Variants in BRIP1 observed in about 807,000 individuals in gnomAD.
BRIP1 encodes the protein Fanconi anemia group J protein.
A neutral mutation model predicts 119.7 loss-of-function variants in BRIP1; 88 were observed. The ratio of observed to expected loss-of-function variants is 0.74; its 90% CI spans 0.62 to 0.88. The LOEUF (loss-of-function observed/expected upper bound fraction) is 0.88. Among genes scored for constraint, BRIP1 ranks in the 40% least tolerant of loss-of-function variants. The probability of loss-of-function intolerance (pLI) is 0.00; values close to 1 mark genes in which losing one functional copy is unlikely to be tolerated. For missense variants in BRIP1, 1,259 were observed against 1,455.4 expected (o/e 0.87, Z 2.20); for synonymous variants, 443 against 496.5 (o/e 0.89, Z 1.43).
At position 61,827,069 on chromosome 17, in the gene BRIP1, C is replaced by T. The variant is rs1183149572; in HGVS notation, c.628-18312G>A. Among the ~76,000 whole-genome samples the T allele has an allele frequency of 6.9e-6, 1 of 144,018 alleles. No individual in the cohort carries two copies. Among genetic ancestry groups the T allele is most frequent in the Non-Finnish European group, 1.5e-5 (1 of 66,272 alleles). The allele number at this position is 144,018 out of a possible 152,430, so 94.5% of individuals were successfully genotyped here. A position where few individuals can be genotyped will look rare whatever the true frequency, so the allele number is the denominator to read the frequency against. On this transcript the variant is annotated intron_variant, in intron 6 of 19. Transcript: ENST00000259008. The surrounding 1 kb of genome is among the most constrained non-coding windows in gnomAD (Gnocchi z 5.8). ...AGATTTTAAAAATGTGGTACATATA[C>T]ACTGTGGAATACTATGTAGCCATAA...
At chr17:61,765,402 TATATATATATATATATATA>T (rs1400902087) in intron 14 of BRIP1, among the ~76,000 whole-genome samples, 4 of 15,288 alleles carry the variant, frequency 2.6e-4, no homozygotes, top group African/African-American at 4.6e-4. Context: ...TATATATATA[TATATATATATATATATATA>T]TATTTTTTTT....
chr17:61,784,447 G>A (rs766111514), intron 10 of BRIP1, 23 bp from the exon 11 acceptor site: 5 of 1,600,912 alleles, frequency 3.1e-6, no homozygotes, highest in Admixed American at 1.7e-5. Context: ...ACCATATTAA[G>A]TATAGAGGGG....
chr17:61,778,056 G>T lies in BRIP1; in HGVS notation c.1936-1494C>A, dbSNP rs1186070795. ...TTTAGGAGTTGTATGCCAGGAAATG[G>T]AGTGGAAGACCAAATATATATATTA... is the stretch of plus-strand genomic sequence containing the variant. On this transcript the variant is annotated intron_variant, in intron 13 of 19. Coordinates refer to ENST00000259008, the MANE Select transcript of BRIP1 (RefSeq NM_032043.3). This position sits in a 1 kb window ranked among gnomAD's most constrained non-coding sequence, Gnocchi z 4.4. 6.6e-6 allele frequency among the ~76,000 whole-genome samples: 1 copy of T among 152,126 alleles called. No homozygotes were observed. Among genetic ancestry groups the T allele is most frequent in the African/African-American group, 2.4e-5 (1 of 41,416 alleles).
intron 8 of BRIP1, among the ~76,000 whole-genome samples, chr17:61,800,506 C>A (rs201379566): frequency 3.3e-5 from 5 of 152,148 alleles, no homozygotes; most frequent in Non-Finnish European, 5.9e-5. Flanking sequence ...CCAGGTCAGA[C>A]TATTGAGCAT....
At chr17:61,790,606 A>G (rs1358545688) in intron 10 of BRIP1, among the ~76,000 whole-genome samples, 1 of 152,088 alleles carries the variant, frequency 6.6e-6, no homozygotes, top group East Asian at 1.9e-4. Flanking sequence ...TTTTATTGCT[A>G]TGTAGTATTC....
intron 16 of BRIP1, among the ~76,000 whole-genome samples, chr17:61,723,586 T>C (rs149553692): frequency 1.3e-5 from 2 of 152,350 alleles, no homozygotes; most frequent in African/African-American, 4.8e-5. Flanking sequence ...ATGTTTTTTC[T>C]AAGTTTTGAC....
intron 6 of BRIP1, among the ~76,000 whole-genome samples, chr17:61,835,549 A>C (rs1457587906): frequency 6.6e-6 from 1 of 152,128 alleles, no homozygotes; most frequent in Non-Finnish European, 1.5e-5. Context: ...CTACTTCAAA[A>C]ACTATCAGAA....
At position 61,780,734 on chromosome 17, in the gene BRIP1, C is replaced by CAAA; in HGVS notation, c.1794+105_1794+106insTTT. On this transcript the variant is annotated intron_variant, in intron 12 of 19. Transcript: ENST00000259008. This position sits in a 1 kb window ranked among gnomAD's most constrained non-coding sequence, Gnocchi z 5.4. ...AGAGCAAGACCCTGCCTCAAAACAA[C>CAAA]AACAACAACAACAACAAACAACTAT... 2 of 1,356,220 alleles carry CAAA rather than the reference C, an allele frequency of 1.5e-6. 1 individual carries two copies. The highest frequency in any genetic ancestry group is 3.4e-5 in the Admixed American group (2 of 58,754). 84.0% of individuals were successfully genotyped at this position (1,356,220 alleles called of 1,614,324 possible).
At position 61,802,304 on chromosome 17, in the gene BRIP1, T is replaced by TAA; in HGVS notation, c.919-832_919-831dup. 6.6e-6 allele frequency among the ~76,000 whole-genome samples: 1 copy of TAA among 152,044 alleles called. No individual in the cohort carries two copies. The highest frequency in any genetic ancestry group is 1.9e-4 in the East Asian group (1 of 5,172). ...AGCAAAACCCTGTCTCTACAAAAAA[T>TAA]AAAAAATTTTCTAGGATTGGTGGCG... On this transcript the variant is annotated intron_variant, in intron 7 of 19. Transcript: ENST00000259008. The surrounding 1 kb of genome is among the most constrained non-coding windows in gnomAD (Gnocchi z 6.0).
chr17:61,847,250 AG>A, intron 5 of BRIP1, 30 bp from the exon 6 acceptor site: 1 of 1,612,924 alleles, frequency 6.2e-7, no homozygotes, highest in Non-Finnish European at 8.5e-7. Context: ...ATGAAGTTTA[AG>A]GTGAACTAGA....
rs73328515 is a variant in BRIP1, at chr17:61,689,339, G to A, written c.2576-3174C>T. 0.01 allele frequency among the ~76,000 whole-genome samples: 1,534 copies of A among 151,818 alleles called. 29 individuals carry two copies. The highest frequency in any genetic ancestry group is 0.035 in the African/African-American group (1,459 of 41,384). On this transcript the variant is annotated intron_variant, in intron 18 of 19. Coordinates refer to ENST00000259008, the MANE Select transcript of BRIP1 (RefSeq NM_032043.3). This position sits in a 1 kb window ranked among gnomAD's most constrained non-coding sequence, Gnocchi z 4.5. ...GAATCAGGAAATTTGAAGGCAAGTC[G>A]TTTGAAATCATCCAGTCAGGGAAGC... is the stretch of plus-strand genomic sequence containing the variant.
In BRIP1 at chr17:61,689,730, G is replaced by A. The variant is rs985040771; in HGVS notation, c.2576-3565C>T. ...TGAAGTCCCATAAGACAGTCACTAGGCCGGGCATGAAGGCTCATGCCTATA... is the reference window on the plus strand; with the variant it reads ...TGAAGTCCCATAAGACAGTCACTAGACCGGGCATGAAGGCTCATGCCTATA... On this transcript the variant is annotated intron_variant, in intron 18 of 19. Transcript: ENST00000259008. This position sits in a 1 kb window ranked among gnomAD's most constrained non-coding sequence, Gnocchi z 4.5. Among the ~76,000 whole-genome samples the A allele has an allele frequency of 4.6e-5, 7 of 152,194 alleles. No homozygotes were observed.
Position 61,853,565 on chromosome 17 carries a change from C to G in BRIP1, c.379+3493G>C, listed in dbSNP as rs1330069178. ...TAGACTATTCTAAATAACACTGACT[C>G]ACAGTAATGTCAAAATCAAGTTGTG... On this transcript the variant is annotated intron_variant, in intron 4 of 19. Transcript: ENST00000259008. The surrounding 1 kb of genome is among the most constrained non-coding windows in gnomAD (Gnocchi z 4.3). Among the ~76,000 whole-genome samples the G allele has an allele frequency of 2.0e-5, 3 of 152,234 alleles. No homozygotes were observed. In the East Asian group the frequency reaches 5.8e-4, roughly 29 times the overall value.
chr17:61,792,227 C>T (rs2077829306), intron 10 of BRIP1, among the ~76,000 whole-genome samples: 1 of 152,192 alleles, frequency 6.6e-6, no homozygotes, highest in South Asian at 2.1e-4. Flanking sequence ...ACTACAGGCG[C>T]ATACCACCAT....
At chr17:61,773,724 TAAAC>T in intron 14 of BRIP1, among the ~76,000 whole-genome samples, 1 of 151,826 alleles carries the variant, frequency 6.6e-6, no homozygotes, top group Admixed American at 6.6e-5. Flanking sequence ...ACAAAGAACT[TAAAC>T]AAATTTACAA....
At chr17:61,839,232 T>A (rs1224406136) in intron 6 of BRIP1, among the ~76,000 whole-genome samples, 1 of 151,956 alleles carries the variant, frequency 6.6e-6, no homozygotes, top group Non-Finnish European at 1.5e-5. Context: ...CCATGAGAAA[T>A]TTACTAAAAA....
rs1032375545 is a variant in BRIP1 at position 61,708,412 on chromosome 17, T to C, written c.2492+7539A>G. Among the ~76,000 whole-genome samples the C allele has an allele frequency of 6.6e-6, 1 of 152,304 alleles. No homozygotes were observed. The highest frequency in any genetic ancestry group is 2.1e-4 in the South Asian group (1 of 4,820). On this transcript the variant is annotated intron_variant, in intron 17 of 19. Transcript: ENST00000259008. This position sits in a 1 kb window ranked among gnomAD's most constrained non-coding sequence, Gnocchi z 4.4. ...CTTAGTAGCCATCTTGGTTATCAGA[T>C]AGAAAAAACATAGTATACGTAGAGT...
intron 16 of BRIP1, among the ~76,000 whole-genome samples, chr17:61,733,534 T>C (rs1402875748): frequency 6.6e-6 from 1 of 152,202 alleles, no homozygotes; most frequent in Non-Finnish European, 1.5e-5. Context: ...TATCAATTTT[T>C]TTGTGTGTGT....
chr17:61,839,184 T>C (rs1038755909), intron 6 of BRIP1, among the ~76,000 whole-genome samples: 1 of 152,028 alleles, frequency 6.6e-6, no homozygotes, highest in Non-Finnish European at 1.5e-5. Context: ...TAGTCCTTGT[T>C]CTCTGAAAAC....
Sources: allele counts gnomAD v4.1 joint callset (sites outside exome capture counted in the v4.1 genomes callset), GRCh38; gene constraint gnomAD v4.1.1; non-coding constraint Gnocchi (gnomAD v3.1); transcripts MANE v1.5; gene names NCBI Gene and HGNC (gene_info 2026-07-23, HGNC 2026-07-21).